USH1C: variants seen among roughly 807,000 people sequenced by gnomAD.
USH1C encodes harmonin.
A neutral mutation model predicts 119.3 loss-of-function variants in USH1C; 90 were observed. The ratio of observed to expected loss-of-function variants is 0.75; its 90% CI spans 0.64 to 0.90. The LOEUF is 0.90. Ranked by LOEUF, USH1C falls within the 40% of genes least tolerant of loss-of-function variation. The pLI is 0.00. For missense variants in USH1C, 1,165 were observed against 1,167.7 expected, an observed-to-expected ratio of 1.00 and a Z score of 0.03; for synonymous variants, 465 against 443.3, an observed-to-expected ratio of 1.05 and a Z score of -0.62.
At chr11:17,494,538 CCAGCCA>C in intron 26 of USH1C, 162 bp from the exon 27 acceptor site, 1 of 737,388 alleles carries the variant, frequency 1.4e-6, no homozygotes, top group Non-Finnish European at 2.4e-6. Context: ...TGGCTACACA[CCAGCCA>C]CAGCCACAGC....
chr11:17,534,764 C>G (rs1225677930), intron 1 of USH1C, among the ~76,000 whole-genome samples: 1 of 151,348 alleles, frequency 6.6e-6, no homozygotes, highest in Non-Finnish European at 1.5e-5. Context: ...ATCCCAGCTA[C>G]TTAGGAGGCT....
chr11:17,520,723 G>C, intron 14 of USH1C, 147 bp downstream of exon 14: 1 of 962,118 alleles, frequency 1.0e-6, no homozygotes, highest in Admixed American at 1.7e-5. Flanking sequence ...TGGGGCAGAT[G>C]GTCTCTGACC....
chr11:17,498,279 C>T lies in USH1C; in HGVS notation c.2381-8G>A. The T allele has an allele frequency of 6.2e-7, 1 of 1,613,962 alleles. No homozygotes were observed. The highest frequency in any genetic ancestry group is 8.5e-7 in the Non-Finnish European group (1 of 1,179,834). Reference sequence around the variant, plus strand: ...CCCCTTTCACAATGCCACCTGCAGGCAGATGAGGCTGATTGGCCAACTGGG... The same window carrying T: ...CCCCTTTCACAATGCCACCTGCAGGTAGATGAGGCTGATTGGCCAACTGGG... On this transcript the variant is annotated splice_polypyrimidine_tract_variant and splice_region_variant and intron_variant, in intron 23 of 26. Coordinates refer to ENST00000005226, the MANE Select transcript of USH1C (RefSeq NM_153676.4).
At chr11:17,539,356 C>G (rs913641407) in intron 1 of USH1C, among the ~76,000 whole-genome samples, 1 of 152,274 alleles carries the variant, frequency 6.6e-6, no homozygotes. Flanking sequence ...CCAAAGAACC[C>G]CTTCCCCAAC....
intron 11 of USH1C, 40 bp downstream of exon 11, chr11:17,523,171 T>C (rs1592004221): frequency 6.2e-7 from 1 of 1,613,516 alleles, no homozygotes. Context: ...GGGCTGGGGA[T>C]GAAGGTCAAG....
intron 25 of USH1C, 83 bp downstream of exon 25, chr11:17,496,675 G>A: frequency 2.6e-6 from 4 of 1,556,466 alleles, no homozygotes; most frequent in Non-Finnish European, 3.5e-6. Context: ...GCTGGGAGAA[G>A]GCTGGGGATG....
chr11:17,533,363 A>AAC (rs544692777), intron 1 of USH1C, 41 bp from the exon 2 acceptor site: 11 of 1,373,448 alleles, frequency 8.0e-6, no homozygotes, highest in South Asian at 1.2e-5. Context: ...CAGGCTCAGC[A>AAC]CCCGCCCCCA....
intron 8 of USH1C, among the ~76,000 whole-genome samples, chr11:17,525,723 A>C (rs1172312483): frequency 6.6e-6 from 1 of 152,256 alleles, no homozygotes; most frequent in Non-Finnish European, 1.5e-5. Context: ...AAGTGACAAG[A>C]GAGCTGTGAC....
Position 17,501,052 on chromosome 11 carries a change from A to G in USH1C, c.2379T>C (p.His793=). 1 of 1,613,202 alleles carries G rather than the reference A, an allele frequency of 6.2e-7. No individual in the cohort carries two copies. The highest frequency in any genetic ancestry group is 1.7e-4 in the Middle Eastern group (1 of 6,054). The part of the protein sequence containing the change: ...AVYERGAAER[H]GGIVKGDEIM... ...TGGGTGTGGCTAGTCTCCACTCACC[A>G]TGCCGCTCAGCAGCTCCCCGCTCAT... is the stretch of plus-strand genomic sequence containing the variant. Residue 793 remains histidine, a splice_region_variant and synonymous_variant, in exon 23 of 27, where the codon CAT becomes CAC. Transcript: ENST00000005226.
At position 17,533,568 on chromosome 11, in the gene USH1C, C is replaced by T. The variant is rs1245313683; in HGVS notation, c.37-246G>A. The T allele has an allele frequency of 5.0e-5, 31 of 614,260 alleles. No homozygotes were observed. The Admixed American group carries it at 7.0e-4, about 14-fold the overall frequency. The allele number at this position is 614,260 out of a possible 1,614,324, so 38.1% of individuals were successfully genotyped here. The stretch of plus-strand genomic sequence containing the variant: ...CCAGATGTGGCCAGGCACCCTTTGT[C>T]CCCAGGTGGGGCAATATGTGCACAC... On this transcript the variant is annotated intron_variant, in intron 1 of 26. Coordinates refer to ENST00000005226, the MANE Select transcript of USH1C (RefSeq NM_153676.4).
intron 14 of USH1C, chr11:17,517,620 G>T: frequency 1.3e-6 from 1 of 795,672 alleles, no homozygotes; most frequent in South Asian, 1.5e-5. Flanking sequence ...CAGAGTTCAG[G>T]AGAGCAGAGC....
Position 17,504,678 on chromosome 11 carries a change from C to G in USH1C, c.2153G>C (p.Arg718Thr), listed in dbSNP as rs1849576128. 6.2e-7 allele frequency: 1 copy of G among 1,613,968 alleles called. No individual in the cohort carries two copies. The highest frequency in any genetic ancestry group is 8.5e-7 in the Non-Finnish European group (1 of 1,180,028). Residue 718 changes from arginine (R) to threonine (T), a missense_variant, in exon 20 of 27, where the codon AGG becomes ACG. By Grantham distance (71) the Arg-to-Thr change is moderately conservative. Coordinates refer to ENST00000005226, the MANE Select transcript of USH1C (RefSeq NM_153676.4). ...GAATGCTGTCTGATAAACCACCATCCTCTTCAACATCTCCTGTGGCTGCCA... is the reference window on the plus strand; with the variant it reads ...GAATGCTGTCTGATAAACCACCATCGTCTTCAACATCTCCTGTGGCTGCCA... ...SEVLPQEMLKRMVVYQTAFRQ... is the reference protein window; with the variant it reads ...SEVLPQEMLKTMVVYQTAFRQ...
intron 1 of USH1C, among the ~76,000 whole-genome samples, chr11:17,542,781 C>T (rs1439322956): frequency 1.3e-5 from 2 of 152,234 alleles, no homozygotes; most frequent in East Asian, 3.8e-4. Context: ...CTGAAATCTA[C>T]ACTCACAAAA....
intron 4 of USH1C, 95 bp from the exon 5 acceptor site, chr11:17,527,426 A>C: frequency 9.7e-7 from 1 of 1,028,744 alleles, no homozygotes; most frequent in Non-Finnish European, 1.5e-6. Context: ...GCTCTCCGGA[A>C]AAGGGAAGGG....
In USH1C at chr11:17,501,161, G is replaced by A. The variant is rs201374539; in HGVS notation, c.2281-11C>T. 4 of 1,608,960 alleles carry A rather than the reference G, an allele frequency of 2.5e-6. No individual in the cohort carries two copies. Among genetic ancestry groups the A allele is most frequent in the Non-Finnish European group, 3.4e-6 (4 of 1,176,576 alleles). ...GTCTAAGGATCCCTCCTGGTTAGAGGAAAACAGGCCTTAGGGAGCCAAGCA... is the reference window on the plus strand; with the variant it reads ...GTCTAAGGATCCCTCCTGGTTAGAGAAAAACAGGCCTTAGGGAGCCAAGCA... On this transcript the variant is annotated splice_polypyrimidine_tract_variant and intron_variant, in intron 22 of 26. Coordinates refer to ENST00000005226, the MANE Select transcript of USH1C (RefSeq NM_153676.4).
At position 17,494,336 on chromosome 11, in the gene USH1C, C is replaced by T. The variant is rs148376296; in HGVS notation, c.2696G>A (p.Arg899His). 28 of 1,607,796 alleles carry T rather than the reference C, an allele frequency of 1.7e-5. No homozygotes were observed. The highest frequency in any genetic ancestry group is 1.7e-4 in the African/African-American group (13 of 74,802). The change falls in exon 27 of 27, where the codon CGT becomes CAT. Residue 899 changes from arginine (R) to histidine (H), a missense_variant. Transcript: ENST00000005226. The stretch of plus-strand genomic sequence containing the variant: ...GGGGCCGGAGCTCACTGTTTCCTAA[C>T]GGTGAATTTGGTTTCCCCTTTTGGA... ...LKSKRGNQIH[R>H]
At chr11:17,517,543 C>T in intron 14 of USH1C, 1 of 1,483,500 alleles carries the variant, frequency 6.7e-7, no homozygotes, top group Admixed American at 2.0e-5. Flanking sequence ...GCCGGAGAAC[C>T]TTCTCAGGAG....
Position 17,498,190 on chromosome 11 carries a change from G to GCAGCCT in USH1C, c.2456_2461dup (p.Glu819_Ala820dup). On this transcript the variant is annotated inframe_insertion, in exon 24 of 27. Coordinates refer to ENST00000005226, the MANE Select transcript of USH1C (RefSeq NM_153676.4). ...GCCCTGATTCCAGGCCTTCTGCAGGGCAGCCTCAGCCTCAGCCAGGGTGTA... is the reference window on the plus strand; with the variant it reads ...GCCCTGATTCCAGGCCTTCTGCAGGGCAGCCTCAGCCTCAGCCTCAGCCAGGGTGTA... 1.2e-6 allele frequency: 2 copies of GCAGCCT among 1,614,124 alleles called. No homozygotes were observed. The highest frequency in any genetic ancestry group is 1.7e-6 in the Non-Finnish European group (2 of 1,179,972).
chr11:17,526,631 C>G, intron 7 of USH1C, 122 bp downstream of exon 7: 1 of 1,242,380 alleles, frequency 8.0e-7, no homozygotes. Flanking sequence ...TGCTGGCTGC[C>G]CTGGGAGCCT....
Sources: gnomAD v4.1 joint callset for allele counts (sites outside exome capture counted in the v4.1 genomes callset) on GRCh38, gnomAD v4.1.1 for gene constraint, MANE v1.5 for transcripts, NCBI Gene and HGNC (gene_info 2026-07-23, HGNC 2026-07-21) for gene names.